Variants in ZNF354B observed in about 807,000 individuals in gnomAD.
The protein encoded by ZNF354B is zinc finger protein 354B.
Under a neutral mutation model 12.9 loss-of-function variants are expected in ZNF354B, and 10 were observed. That is an observed-to-expected ratio of 0.77 (90% CI 0.48 to 1.31). ZNF354B has a LOEUF of 1.31. ZNF354B is among the 40% of genes most tolerant of loss of function. The pLI, the probability that ZNF354B is intolerant of heterozygous loss-of-function variation, is 0.00. For missense variants in ZNF354B, 614 were observed against 711.7 expected (o/e 0.86, Z 1.56); for synonymous variants, 260 against 243.7 (o/e 1.07, Z -0.62).
At chr5:178,880,626 C>T (rs76360943) in intron 4 of ZNF354B, among the ~76,000 whole-genome samples, 22,457 of 149,874 alleles carry the variant, frequency 0.15, 2,044 homozygotes, top group African/African-American at 0.26. Flanking sequence ...TTTATGTAGC[C>T]AGGACTGCAG....
At chr5:178,863,071 A>G (rs1301231122) in intron 2 of ZNF354B, among the ~76,000 whole-genome samples, 1 of 152,120 alleles carries the variant, frequency 6.6e-6, no homozygotes, top group Non-Finnish European at 1.5e-5. Context: ...CAGTGGTTCA[A>G]ATTATTTCAT....
Position 178,882,844 on chromosome 5 carries a change from T to G in ZNF354B, c.392T>G (p.Leu131Ter), listed in dbSNP as rs1757739647. 2 of 1,606,996 alleles carry G rather than the reference T, an allele frequency of 1.2e-6. No homozygotes were observed. Among genetic ancestry groups the G allele is most frequent in the Non-Finnish European group, 1.7e-6 (2 of 1,178,436 alleles). The change falls in exon 5 of 5, where the codon TTA (leucine) becomes TGA (stop). Residue 131 changes from leucine (L) to a stop codon, truncating the protein, a stop_gained. Transcript: ENST00000322434. LOFTEE classifies it low-confidence loss of function (END_TRUNC). Reference sequence around the variant, plus strand: ...AGATCCTGCATATATGAAGAGAAATTAAAGAAACAGCAGGACAAAAATGAA... The same window carrying G: ...AGATCCTGCATATATGAAGAGAAATGAAAGAAACAGCAGGACAAAAATGAA... ...SERSCIYEEK[L>*]KKQQDKNENL...
rs1757763524 is a variant in ZNF354B, at chr5:178,884,086, C to T, written c.1634C>T (p.Thr545Ile). The T allele has an allele frequency of 1.2e-6, 2 of 1,614,054 alleles. No individual in the cohort carries two copies. The highest frequency in any genetic ancestry group is 1.7e-6 in the Non-Finnish European group (2 of 1,179,952). Residue 545 changes from threonine (T) to isoleucine (I), a missense_variant, in exon 5 of 5, where the codon ACA becomes ATA. By Grantham distance (89) the Thr-to-Ile change is moderately conservative (BLOSUM62 -1). Transcript: ENST00000322434. ...AALIQHQRIHTGEKPFKCNTC... is the reference protein window; with the variant it reads ...AALIQHQRIHIGEKPFKCNTC... ...CTTATACAACATCAGAGGATTCATA[C>T]AGGAGAAAAACCCTTTAAATGTAAT...
chr5:178,877,322 A>G (rs537535809), intron 4 of ZNF354B, among the ~76,000 whole-genome samples: 94 of 152,064 alleles, frequency 6.2e-4, no homozygotes, highest in Non-Finnish European at 1.1e-3. Flanking sequence ...GGCACCCACC[A>G]CCACACCTGG....
intron 2 of ZNF354B, among the ~76,000 whole-genome samples, chr5:178,862,438 C>T (rs1335392549): frequency 6.8e-6 from 1 of 146,652 alleles, no homozygotes; most frequent in Non-Finnish European, 1.5e-5. Context: ...GCGATCTCGG[C>T]TCACTGCAAC....
At chr5:178,872,084 C>G (rs1254017748) in intron 4 of ZNF354B, among the ~76,000 whole-genome samples, 5 of 152,160 alleles carry the variant, frequency 3.3e-5, no homozygotes, top group Non-Finnish European at 7.3e-5. Context: ...GCACAGAGAT[C>G]CCTCCTGGTA....
intron 2 of ZNF354B, among the ~76,000 whole-genome samples, chr5:178,863,246 GTA>G (rs1380512392): frequency 1.3e-5 from 2 of 152,096 alleles, no homozygotes; most frequent in Non-Finnish European, 2.9e-5. Context: ...ATATACATAT[GTA>G]TATGTGTGTG....
At chr5:178,861,669 G>GAGA (rs1466316031) in intron 2 of ZNF354B, among the ~76,000 whole-genome samples, 1 of 152,032 alleles carries the variant, frequency 6.6e-6, no homozygotes, top group African/African-American at 2.4e-5. Context: ...GCAGGACACA[G>GAGA]AAGACCCCTC....
At chr5:178,860,512 A>G (rs957272624) in intron 1 of ZNF354B, among the ~76,000 whole-genome samples, 33 of 152,174 alleles carry the variant, frequency 2.2e-4, no homozygotes, top group African/African-American at 7.5e-4. Flanking sequence ...TTCCTCTTCA[A>G]AGCCGTTTTC....
At position 178,882,978 on chromosome 5, in the gene ZNF354B, C is replaced by G. The variant is rs773842513; in HGVS notation, c.526C>G (p.Gln176Glu). The stretch of plus-strand genomic sequence containing the variant: ...CTACCTGAAATCAGTCTTCATTAAG[C>G]AACAGAGATTTGCTAAAGAAAAAAC... ...NFYLKSVFIK[Q>E]QRFAKEKTPS... The change falls in exon 5 of 5, where the codon CAA becomes GAA. Residue 176 changes from glutamine to glutamate, a missense_variant. Physicochemically the swap from Gln to Glu is conservative, Grantham distance 29. Transcript: ENST00000322434. The G allele has an allele frequency of 1.2e-6, 2 of 1,608,654 alleles. No individual in the cohort carries two copies. Among genetic ancestry groups the G allele is most frequent in the Non-Finnish European group, 1.7e-6 (2 of 1,178,846 alleles).
intron 4 of ZNF354B, among the ~76,000 whole-genome samples, chr5:178,878,976 C>T (rs887894876): frequency 2.0e-5 from 3 of 151,940 alleles, no homozygotes; most frequent in South Asian, 2.1e-4. Flanking sequence ...GCTGGGATTA[C>T]GGGTGTGAGC....
rs755888217 is a variant in ZNF354B at position 178,883,091 on chromosome 5, C to T, written c.639C>T (p.Arg213=). Residue 213 remains arginine (R), a synonymous_variant, in exon 5 of 5, where the codon CGC becomes CGT. Coordinates refer to ENST00000322434, the MANE Select transcript of ZNF354B (RefSeq NM_058230.3). The part of the protein sequence containing the change: ...NQSKIKTAEK[R]YKCSTCEKAF... ...CAAAAATCAAAACAGCAGAGAAACG[C>T]TATAAATGCAGTACATGTGAAAAAG... 19 of 1,609,314 alleles carry T rather than the reference C, an allele frequency of 1.2e-5. No individual in the cohort carries two copies. The South Asian group carries it at 2.0e-4, about 17-fold the overall frequency.
chr5:178,872,609 T>G (rs890617930), intron 4 of ZNF354B, among the ~76,000 whole-genome samples: 4 of 152,188 alleles, frequency 2.6e-5, no homozygotes, highest in Admixed American at 6.5e-5. Context: ...ACCAGTAGCA[T>G]GTGAATGATC....
At chr5:178,873,277 A>G (rs1757589710) in intron 4 of ZNF354B, among the ~76,000 whole-genome samples, 1 of 152,180 alleles carries the variant, frequency 6.6e-6, no homozygotes, top group African/African-American at 2.4e-5. Context: ...GTTCTTTTGA[A>G]GAACACAATT....
At chr5:178,878,970 G>T (rs1204193090) in intron 4 of ZNF354B, among the ~76,000 whole-genome samples, 1 of 152,016 alleles carries the variant, frequency 6.6e-6, no homozygotes, top group Non-Finnish European at 1.5e-5. Flanking sequence ...CAAAGTGCTG[G>T]GATTACGGGT....
At chr5:178,870,350 C>T (rs1200896011) in intron 4 of ZNF354B, among the ~76,000 whole-genome samples, 1 of 152,134 alleles carries the variant, frequency 6.6e-6, no homozygotes. Context: ...ATTCTCAGCT[C>T]ACTGCAGTGC....
intron 4 of ZNF354B, among the ~76,000 whole-genome samples, chr5:178,872,675 C>T (rs143780788): frequency 1.6e-4 from 24 of 152,288 alleles, no homozygotes; most frequent in African/African-American, 5.5e-4. Context: ...TTATTTTAAC[C>T]ATTCTGGTAG....
At chr5:178,867,292 A>T (rs757190731) in intron 4 of ZNF354B, among the ~76,000 whole-genome samples, 1 of 152,200 alleles carries the variant, frequency 6.6e-6, no homozygotes, top group Non-Finnish European at 1.5e-5. Flanking sequence ...GTTGTTTTAG[A>T]ATAGGGCTGT....
intron 4 of ZNF354B, among the ~76,000 whole-genome samples, chr5:178,880,800 ACC>A (rs1264191722): frequency 7.2e-6 from 1 of 138,056 alleles, no homozygotes; most frequent in African/African-American, 2.7e-5. Context: ...CCAGCCCATC[ACC>A]CAATTTCAGT....
Sources: allele counts gnomAD v4.1 joint callset (sites outside exome capture counted in the v4.1 genomes callset), GRCh38; gene constraint gnomAD v4.1.1; transcripts MANE v1.5; gene names NCBI Gene and HGNC (gene_info 2026-07-23, HGNC 2026-07-21).